Variants in TMEM196 observed in about 807,000 individuals in gnomAD.
TMEM196 encodes the protein transmembrane protein 196.
TMEM196 carries 17 observed loss-of-function variants against 20.0 expected under a neutral mutation model. The observed-to-expected ratio is 0.85, with a 90% CI of 0.58 to 1.27. The LOEUF is 1.27. Among genes scored for constraint, TMEM196 ranks in the 50% most tolerant of loss-of-function variants. TMEM196 has a pLI of 0.00. For synonymous variants in TMEM196, 113 were observed against 88.9 expected, an observed-to-expected ratio of 1.27 and a Z score of -1.52; for missense variants, 267 against 223.0, an observed-to-expected ratio of 1.20 and a Z score of -1.26.
chr7:19,734,574 A>G (rs990011701), intron 1 of TMEM196, among the ~76,000 whole-genome samples: 2 of 152,192 alleles, frequency 1.3e-5, no homozygotes, highest in Non-Finnish European at 2.9e-5. Context: ...GTTGACAGAA[A>G]CAAAGAGACA....
chr7:19,724,037 T>G (rs1783901191), intron 4 of TMEM196, among the ~76,000 whole-genome samples: 2 of 151,954 alleles, frequency 1.3e-5, no homozygotes, highest in South Asian at 4.2e-4. Flanking sequence ...CAAGCAGAAA[T>G]GTGTTTGGAT....
At chr7:19,765,070 C>T (rs1020001708) in intron 1 of TMEM196, among the ~76,000 whole-genome samples, 11 of 152,004 alleles carry the variant, frequency 7.2e-5, no homozygotes, top group Non-Finnish European at 5.9e-5. Context: ...GTTCCTTTTT[C>T]TACTTAAACT....
At chr7:19,724,435 A>T in intron 3 of TMEM196, 82 bp from the exon 4 acceptor site, 1 of 1,277,566 alleles carries the variant, frequency 7.8e-7, no homozygotes, top group Non-Finnish European at 1.1e-6. Flanking sequence ...AAAATAAAGC[A>T]CAAAAGAGCC....
intron 1 of TMEM196, among the ~76,000 whole-genome samples, chr7:19,757,234 C>T (rs1015066540): frequency 2.1e-4 from 30 of 144,932 alleles, no homozygotes; most frequent in African/African-American, 7.8e-4. Context: ...AGTGCAGTGG[C>T]GCAATCTTGG....
chr7:19,765,903 A>G (rs1304177415), intron 1 of TMEM196, among the ~76,000 whole-genome samples: 1 of 152,152 alleles, frequency 6.6e-6, no homozygotes, highest in Non-Finnish European at 1.5e-5. Context: ...ACTAGGGTTG[A>G]TGAAAGGTGT....
At chr7:19,745,982 T>C (rs938525054) in intron 1 of TMEM196, among the ~76,000 whole-genome samples, 11 of 152,056 alleles carry the variant, frequency 7.2e-5, no homozygotes, top group African/African-American at 2.7e-4. Flanking sequence ...AAATACATGA[T>C]TGCTGAAAGG....
chr7:19,729,256 G>GTTTTTTTT, intron 2 of TMEM196, 126 bp downstream of exon 2: 1 of 434,472 alleles, frequency 2.3e-6, no homozygotes, highest in South Asian at 9.3e-5. Flanking sequence ...TTATTTGTCA[G>GTTTTTTTT]TTTTTTTTTT....
intron 1 of TMEM196, among the ~76,000 whole-genome samples, chr7:19,767,874 A>T (rs1345603095): frequency 6.6e-6 from 1 of 151,926 alleles, no homozygotes; most frequent in East Asian, 1.9e-4. Context: ...TTTCTTTTTT[A>T]TTAAATATAT....
chr7:19,739,005 G>A (rs1784498515), intron 1 of TMEM196, among the ~76,000 whole-genome samples: 1 of 152,114 alleles, frequency 6.6e-6, no homozygotes, highest in Non-Finnish European at 1.5e-5. Context: ...AGGTGACCAA[G>A]GTCAATGCCA....
rs1266795952 is a variant in TMEM196 at position 19,720,995 on chromosome 7, C to T, written c.*1133G>A. 3 of 151,584 alleles carry T rather than the reference C, an allele frequency of 2.0e-5. No individual in the cohort carries two copies. Among genetic ancestry groups the T allele is most frequent in the African/African-American group, 4.8e-5 (2 of 41,308 alleles). The allele number at this position is 151,584 out of a possible 1,614,324, so 9.4% of individuals were successfully genotyped here. A position where few individuals can be genotyped will look rare whatever the true frequency, so the allele number is the denominator to read the frequency against. On this transcript the variant is annotated 3_prime_UTR_variant, in exon 5 of 5. Transcript: ENST00000405844. ...GGAAGTATGTCATTAAAGTCATGTT[C>T]GTTTATAAATTAATTTTAATTGCTA...
intron 1 of TMEM196, among the ~76,000 whole-genome samples, chr7:19,729,921 C>T (rs73680690): frequency 0.018 from 2,678 of 152,210 alleles, 77 homozygotes; most frequent in African/African-American, 0.061. Context: ...TGACAACCTC[C>T]TTATTCTACA....
At chr7:19,739,942 T>C (rs2128022790) in intron 1 of TMEM196, among the ~76,000 whole-genome samples, 1 of 151,578 alleles carries the variant, frequency 6.6e-6, no homozygotes, top group South Asian at 2.1e-4. Flanking sequence ...ATTATCAAAA[T>C]TATACAGGTG....
chr7:19,734,256 A>T (rs1252815209), intron 1 of TMEM196, among the ~76,000 whole-genome samples: 1 of 151,240 alleles, frequency 6.6e-6, no homozygotes. Flanking sequence ...CAAAATACTG[A>T]AAAAAAATGA....
In TMEM196 at chr7:19,739,489, G is replaced by T. The variant is rs528521623; in HGVS notation, c.148-10051C>A. 4.6e-5 allele frequency among the ~76,000 whole-genome samples: 7 copies of T among 152,242 alleles called. No homozygotes were observed. The South Asian group carries it at 1.4e-3, about 32-fold the overall frequency. The stretch of plus-strand genomic sequence containing the variant: ...TTATAAAGGAGGCCTCAGAGAGCTT[G>T]TCCATCTCTTCAGTTACCTGAAGAC... On this transcript the variant is annotated intron_variant, in intron 1 of 4. Coordinates refer to ENST00000405844, the MANE Select transcript of TMEM196 (RefSeq NM_001363562.2).
At chr7:19,757,900 A>G (rs1785280245) in intron 1 of TMEM196, among the ~76,000 whole-genome samples, 1 of 151,854 alleles carries the variant, frequency 6.6e-6, no homozygotes, top group East Asian at 1.9e-4. Flanking sequence ...TTTTAAACAT[A>G]TAGGATGATT....
At chr7:19,749,075 T>G (rs1437495148) in intron 1 of TMEM196, among the ~76,000 whole-genome samples, 3 of 152,208 alleles carry the variant, frequency 2.0e-5, no homozygotes, top group Non-Finnish European at 2.9e-5. Context: ...TATTTTGTAT[T>G]TTTCCAATTT....
chr7:19,735,042 T>C (rs1445810121), intron 1 of TMEM196, among the ~76,000 whole-genome samples: 1 of 152,188 alleles, frequency 6.6e-6, no homozygotes, highest in Non-Finnish European at 1.5e-5. Flanking sequence ...AGCTATGATG[T>C]GTTGAGTGGG....
chr7:19,733,673 A>G (rs1031657520), intron 1 of TMEM196, among the ~76,000 whole-genome samples: 1 of 152,206 alleles, frequency 6.6e-6, no homozygotes, highest in East Asian at 1.9e-4. Context: ...AAAAAAAAAA[A>G]AATACAGAGG....
Position 19,772,622 on chromosome 7 carries a change from G to A in TMEM196, c.75C>T (p.Ser25=), listed in dbSNP as rs890638005. 3.9e-6 allele frequency: 6 copies of A among 1,547,062 alleles called. No individual in the cohort carries two copies. Among genetic ancestry groups the A allele is most frequent in the African/African-American group, 2.7e-5 (2 of 72,840 alleles). ...SVLEIGLGVS[S]VAVGAVSFSL... ...TGAAGCTGACCGCCCCCACGGCCAC[G>A]CTGGACACCCCCAGCCCTATCTCCA... The change falls in exon 1 of 5, where the codon AGC becomes AGT. Residue 25 remains serine, a synonymous_variant. Coordinates refer to ENST00000405844, the MANE Select transcript of TMEM196 (RefSeq NM_001363562.2).
Sources: gnomAD v4.1 joint callset for allele counts (sites outside exome capture counted in the v4.1 genomes callset) on GRCh38, gnomAD v4.1.1 for gene constraint, MANE v1.5 for transcripts, NCBI Gene and HGNC (gene_info 2026-07-23, HGNC 2026-07-21) for gene names.